The following CELSR1 variants were observed in gnomAD, a reference collection of about 807,000 sequenced individuals.
The protein encoded by CELSR1 is cadherin EGF LAG seven-pass G-type receptor 1.
A neutral mutation model predicts 249.1 loss-of-function variants in CELSR1; 110 were observed. The observed-to-expected ratio is 0.44, with a 90% CI of 0.38 to 0.52. CELSR1 has a LOEUF of 0.52. Among genes scored for constraint, CELSR1 ranks in the 20% least tolerant of loss-of-function variants. The pLI, the probability that CELSR1 is intolerant of heterozygous loss-of-function variation, is 0.00. For synonymous variants in CELSR1, 2,113 were observed against 1,900.0 expected (o/e 1.11, Z -2.92); for missense variants, 4,109 against 4,296.4 (o/e 0.96, Z 1.22).
chr22:46,369,607 T>C (rs1375055665), intron 26 of CELSR1, 85 bp downstream of exon 26: 2 of 1,287,156 alleles, frequency 1.6e-6, no homozygotes, highest in African/African-American at 1.5e-5. Flanking sequence ...CTCAGAGGAG[T>C]TGGTGGCCCC....
rs35428903 is a variant in CELSR1, at chr22:46,536,133, G to A, written c.1038C>T (p.Thr346=). 5.2e-4 allele frequency: 845 copies of A among 1,612,842 alleles called. 6 individuals are homozygous for A. In the African/African-American group the frequency reaches 0.01, roughly 20 times the overall value. The change falls in exon 1 of 35, where the codon ACC becomes ACT. Residue 346 remains threonine, a synonymous_variant. Transcript: ENST00000674500. Reference sequence around the variant, plus strand: ...GCTCGAAGACCGGGCTGTGGTCGTTGGTGTCTTTGACCAAGACAGTGATGT... The same window carrying A: ...GCTCGAAGACCGGGCTGTGGTCGTTAGTGTCTTTGACCAAGACAGTGATGT... ...TTYITVLVKD[T]NDHSPVFEQS...
At chr22:46,501,814 T>C (rs1224000670) in intron 1 of CELSR1, among the ~76,000 whole-genome samples, 1 of 152,068 alleles carries the variant, frequency 6.6e-6, no homozygotes, top group African/African-American at 2.4e-5. Flanking sequence ...CCCGAAGAGT[T>C]CCCCCGCTGG....
intron 2 of CELSR1, among the ~76,000 whole-genome samples, chr22:46,460,194 CACACACACACACACA>C (rs2080005924): frequency 1.9e-5 from 2 of 105,802 alleles, no homozygotes; most frequent in African/African-American, 7.3e-5. Context: ...CACACACACA[CACACACACACACACA>C]CACACACCCA....
In CELSR1 at chr22:46,373,826, A is replaced by G. The variant is rs142457595; in HGVS notation, c.7585-769T>C. ...CTGTCTAATCCTCAGCAGCCATCCC[A>G]TCAGTCCACCCTACCAGGGGGTCCC... On this transcript the variant is annotated intron_variant, in intron 24 of 34. Transcript: ENST00000674500. Among the ~76,000 whole-genome samples, 220 of 152,234 alleles carry G rather than the reference A, an allele frequency of 1.4e-3. 1 individual carries two copies. Among genetic ancestry groups the G allele is most frequent in the African/African-American group, 4.9e-3 (205 of 41,528 alleles).
chr22:46,529,677 C>A (rs181261383), intron 1 of CELSR1, among the ~76,000 whole-genome samples: 1 of 151,858 alleles, frequency 6.6e-6, no homozygotes, highest in Non-Finnish European at 1.5e-5. Flanking sequence ...GTGGCGTGCA[C>A]CTGTAATCCA....
In CELSR1 at chr22:46,431,756, C is replaced by T. The variant is rs541896816; in HGVS notation, c.4611+1637G>A. 2.0e-4 allele frequency among the ~76,000 whole-genome samples: 31 copies of T among 152,356 alleles called. No individual in the cohort carries two copies. In the South Asian group the frequency reaches 5.6e-3, roughly 27 times the overall value. The stretch of plus-strand genomic sequence containing the variant: ...ACTGCCCCACACAGCCACAGGACGG[C>T]ACCGTATCAAGAAAAGACTCGGTCT... On this transcript the variant is annotated intron_variant, in intron 5 of 34. Coordinates refer to ENST00000674500, the MANE Select transcript of CELSR1 (RefSeq NM_001378328.1).
rs557099211 is a variant in CELSR1, at chr22:46,445,436, G to A, written c.4184-6025C>T. Among the ~76,000 whole-genome samples the A allele has an allele frequency of 1.3e-5, 2 of 152,280 alleles. No homozygotes were observed. The highest frequency in any genetic ancestry group is 2.1e-4 in the South Asian group (1 of 4,820). ...TTGAATCCAGGAGGTAGAGATTGCG[G>A]TGAACCAAAAATTGCACCATTGCAC... On this transcript the variant is annotated intron_variant, in intron 2 of 34. Coordinates refer to ENST00000674500, the MANE Select transcript of CELSR1 (RefSeq NM_001378328.1). The surrounding 1 kb of genome is among the most constrained non-coding windows in gnomAD (Gnocchi z 4.4).
In CELSR1 at chr22:46,441,499, C is replaced by T. The variant is rs892533692; in HGVS notation, c.4184-2088G>A. Among the ~76,000 whole-genome samples, 10 of 152,114 alleles carry T rather than the reference C, an allele frequency of 6.6e-5. No homozygotes were observed. The highest frequency in any genetic ancestry group is 2.2e-4 in the African/African-American group (9 of 41,418). On this transcript the variant is annotated intron_variant, in intron 2 of 34. Transcript: ENST00000674500. The surrounding 1 kb of genome is among the most constrained non-coding windows in gnomAD (Gnocchi z 6.1). Reference sequence around the variant, plus strand: ...GCTGCCATAATGAAGCATGAGAGATCGGGGGCTTATACAACAGACACTTAC... The same window carrying T: ...GCTGCCATAATGAAGCATGAGAGATTGGGGGCTTATACAACAGACACTTAC...
chr22:46,536,807 C>T lies in CELSR1; in HGVS notation c.364G>A (p.Gly122Arg). The T allele has an allele frequency of 8.3e-7, 1 of 1,199,346 alleles. No individual in the cohort carries two copies. 74.3% of individuals were successfully genotyped at this position (1,199,346 alleles called of 1,614,324 possible). A position where few individuals can be genotyped will look rare whatever the true frequency, so the allele number is the denominator to read the frequency against. ...GCCCCGCAGAGCCGGGCACCGGTTC[C>T]GCAGAGCCGGGCACGGGCTCCGCAG... ...PGCGARARLC[G>R]TGARLCGALC... Residue 122 changes from glycine (G) to arginine (R), a missense_variant, in exon 1 of 35, where the codon GGA (glycine) becomes AGA (arginine). Coordinates refer to ENST00000674500, the MANE Select transcript of CELSR1 (RefSeq NM_001378328.1).
At chr22:46,405,975 C>T (rs1055285842) in intron 9 of CELSR1, among the ~76,000 whole-genome samples, 3 of 152,194 alleles carry the variant, frequency 2.0e-5, no homozygotes, top group Non-Finnish European at 4.4e-5. Context: ...GCCACCCCTC[C>T]AGCCACCCAG....
chr22:46,397,814 G>T lies in CELSR1; in HGVS notation c.5561C>A (p.Ala1854Asp), dbSNP rs1268185619. Residue 1854 changes from alanine to aspartate, a missense_variant, in exon 12 of 35, where the codon GCC (alanine) becomes GAC (aspartate). Transcript: ENST00000674500. ...GAGTGCGTTGTTCATGTTCAGGGTG[G>T]CGACGTTGGTGGGCGTCCCCCCCAT... is the stretch of plus-strand genomic sequence containing the variant. ...VRMGGTPTNV[A>D]TLNMNNALKV... 3.1e-6 allele frequency: 5 copies of T among 1,592,424 alleles called. No individual in the cohort carries two copies. Among genetic ancestry groups the T allele is most frequent in the Non-Finnish European group, 4.3e-6 (5 of 1,167,584 alleles).
At chr22:46,368,580 C>CTACCAGGT (rs1214781059) in intron 27 of CELSR1, among the ~76,000 whole-genome samples, 1 of 151,900 alleles carries the variant, frequency 6.6e-6, no homozygotes, top group African/African-American at 2.4e-5. Flanking sequence ...CCCATCTCAG[C>CTACCAGGT]TACCAGGTCA....
intron 1 of CELSR1, among the ~76,000 whole-genome samples, chr22:46,502,665 C>G (rs541577143): frequency 3.4e-4 from 52 of 152,204 alleles, no homozygotes; most frequent in African/African-American, 1.3e-3. Flanking sequence ...TGAAATTGGT[C>G]TCACCACCCC....
chr22:46,496,681 T>C (rs987943479), intron 1 of CELSR1, among the ~76,000 whole-genome samples: 4 of 152,184 alleles, frequency 2.6e-5, no homozygotes, highest in Non-Finnish European at 4.4e-5. Flanking sequence ...CACCTTAGCC[T>C]AGGCCTATGC....
chr22:46,382,078 C>T (rs948755993), intron 20 of CELSR1, 28 bp from the exon 21 acceptor site: 2 of 1,483,454 alleles, frequency 1.3e-6, no homozygotes, highest in Non-Finnish European at 9.0e-7. Context: ...GGTGAGGACT[C>T]TGGCAGGAGC....
Position 46,527,511 on chromosome 22 carries a change from G to C in CELSR1, c.3544+6116C>G, listed in dbSNP as rs1217038325. ...CAGCCCGCCCTTGCCTGCACCTGGT[G>C]TCACCACTCTACCCCTGAGCTCAGC... On this transcript the variant is annotated intron_variant, in intron 1 of 34. Coordinates refer to ENST00000674500, the MANE Select transcript of CELSR1 (RefSeq NM_001378328.1). The surrounding 1 kb of genome is among the most constrained non-coding windows in gnomAD (Gnocchi z 5.5). Among the ~76,000 whole-genome samples, 2 of 152,160 alleles carry C rather than the reference G, an allele frequency of 1.3e-5. No individual in the cohort carries two copies. The highest frequency in any genetic ancestry group is 2.9e-5 in the Non-Finnish European group (2 of 68,020).
At chr22:46,422,609 A>C (rs549867163) in intron 5 of CELSR1, among the ~76,000 whole-genome samples, 1 of 150,510 alleles carries the variant, frequency 6.6e-6, no homozygotes, top group African/African-American at 2.4e-5. Flanking sequence ...ATAAATAAAT[A>C]AATAAAAATT....
rs3788706 is a variant in CELSR1 at position 46,473,273 on chromosome 22, G to A, written c.3545-8928C>T. Among the ~76,000 whole-genome samples the A allele has an allele frequency of 0.14, 21,912 of 152,128 alleles. 1,668 individuals are homozygous for A. The highest frequency in any genetic ancestry group is 0.24 in the East Asian group (1,248 of 5,148). On this transcript the variant is annotated intron_variant, in intron 1 of 34. Coordinates refer to ENST00000674500, the MANE Select transcript of CELSR1 (RefSeq NM_001378328.1). This position sits in a 1 kb window ranked among gnomAD's most constrained non-coding sequence, Gnocchi z 6.6. ...GGTAAGGTGACTCGGGCTGAGTGGC[G>A]GGGCCCAGATTAACCTGAGGCCAAG...
At chr22:46,491,389 G>A (rs533902033) in intron 1 of CELSR1, among the ~76,000 whole-genome samples, 15 of 146,340 alleles carry the variant, frequency 1.0e-4, no homozygotes, top group Admixed American at 2.8e-4. Flanking sequence ...TCAGCCTCCC[G>A]AGTAGCTAGG....
Sources: allele counts gnomAD v4.1 joint callset (sites outside exome capture counted in the v4.1 genomes callset), GRCh38; gene constraint gnomAD v4.1.1; non-coding constraint Gnocchi (gnomAD v3.1); transcripts MANE v1.5; gene names NCBI Gene and HGNC (gene_info 2026-07-23, HGNC 2026-07-21).